Variants in ZBTB44 observed in about 807,000 individuals in gnomAD.
ZBTB44 encodes the protein zinc finger and BTB domain-containing protein 44.
Under a neutral mutation model 54.0 loss-of-function variants are expected in ZBTB44, and 15 were observed. The observed-to-expected ratio is 0.28, with a 90% CI of 0.19 to 0.43. The LOEUF is 0.43. ZBTB44 is among the 20% of genes least tolerant of loss of function. The pLI is 1.00. For missense variants in ZBTB44, 487 were observed against 707.1 expected (o/e 0.69, Z 3.53); for synonymous variants, 230 against 250.1 (o/e 0.92, Z 0.76).
intron 1 of ZBTB44, among the ~76,000 whole-genome samples, chr11:130,308,871 G>T (rs1942423414): frequency 1.3e-5 from 2 of 152,204 alleles, no homozygotes; most frequent in Admixed American, 1.3e-4. Context: ...TGAAAGCAGT[G>T]ATTGTGGAGT....
chr11:130,286,450 ATAAC>A (rs1162666997), intron 1 of ZBTB44, among the ~76,000 whole-genome samples: 3 of 152,220 alleles, frequency 2.0e-5, no homozygotes, highest in African/African-American at 7.2e-5. Context: ...ATCTCACACT[ATAAC>A]TACTCAATTC....
intron 1 of ZBTB44, among the ~76,000 whole-genome samples, chr11:130,309,106 C>T (rs1294210189): frequency 6.6e-6 from 1 of 152,228 alleles, no homozygotes; most frequent in East Asian, 1.9e-4. Context: ...ACATAGCCCT[C>T]TCTGCAGCAC....
chr11:130,267,617 A>G (rs1311236371), intron 1 of ZBTB44, among the ~76,000 whole-genome samples: 1 of 152,010 alleles, frequency 6.6e-6, no homozygotes, highest in Non-Finnish European at 1.5e-5. Flanking sequence ...GGGTATCCCT[A>G]TGTTGCCCAG....
intron 1 of ZBTB44, among the ~76,000 whole-genome samples, chr11:130,312,490 C>T (rs993473429): frequency 3.3e-5 from 5 of 152,156 alleles, no homozygotes; most frequent in African/African-American, 1.2e-4. Flanking sequence ...TTCCTTTACA[C>T]CTAACTTCCA....
intron 1 of ZBTB44, among the ~76,000 whole-genome samples, chr11:130,289,550 T>C (rs180876429): frequency 1.1e-4 from 13 of 115,096 alleles, no homozygotes; most frequent in African/African-American, 4.1e-4. Context: ...CCAAGAAAAA[T>C]AGAAGCTAAT....
At chr11:130,270,855 GAGA>G (rs748805314) in intron 1 of ZBTB44, among the ~76,000 whole-genome samples, 5 of 152,184 alleles carry the variant, frequency 3.3e-5, no homozygotes, top group Non-Finnish European at 7.3e-5. Flanking sequence ...TAAAATACCT[GAGA>G]AGAATATCCA....
At chr11:130,289,407 C>T (rs1941169296) in intron 1 of ZBTB44, among the ~76,000 whole-genome samples, 4 of 148,286 alleles carry the variant, frequency 2.7e-5, no homozygotes, top group Admixed American at 2.0e-4. Flanking sequence ...TGCTTGAACT[C>T]GGAGGTGGAG....
chr11:130,304,902 T>C (rs1942185746), intron 1 of ZBTB44, among the ~76,000 whole-genome samples: 1 of 152,116 alleles, frequency 6.6e-6, no homozygotes, highest in South Asian at 2.1e-4. Context: ...ATGAATTCAG[T>C]GAAGTTTCAG....
intron 1 of ZBTB44, among the ~76,000 whole-genome samples, chr11:130,267,935 T>C (rs957780328): frequency 1.3e-5 from 2 of 151,856 alleles, no homozygotes; most frequent in African/African-American, 4.8e-5. Context: ...TAGCCGGGTG[T>C]GGTGGCAGGC....
intron 1 of ZBTB44, among the ~76,000 whole-genome samples, chr11:130,302,929 C>T (rs1942064359): frequency 6.6e-6 from 1 of 152,062 alleles, no homozygotes; most frequent in African/African-American, 2.4e-5. Context: ...GAGCCAAGAT[C>T]ACACCATTGC....
At chr11:130,271,895 G>C (rs191558300) in intron 1 of ZBTB44, among the ~76,000 whole-genome samples, 14 of 152,250 alleles carry the variant, frequency 9.2e-5, no homozygotes, top group Non-Finnish European at 1.8e-4. Flanking sequence ...GAAATTGTCA[G>C]ACTGTCTTCC....
chr11:130,309,720 C>T (rs1265746025), intron 1 of ZBTB44, among the ~76,000 whole-genome samples: 1 of 151,286 alleles, frequency 6.6e-6, no homozygotes, highest in African/African-American at 2.4e-5. Context: ...CATGGTGAAA[C>T]CCCATCTCTA....
chr11:130,234,376 C>T (rs1954016909), intron 5 of ZBTB44, 103 bp from the exon 6 acceptor site: 7 of 1,177,892 alleles, frequency 5.9e-6, no homozygotes, highest in Non-Finnish European at 8.0e-6. Flanking sequence ...TGGGACTCTT[C>T]ATTTCACTAA....
intron 1 of ZBTB44, among the ~76,000 whole-genome samples, chr11:130,279,659 A>T (rs1940367066): frequency 6.9e-6 from 1 of 144,734 alleles, no homozygotes; most frequent in Non-Finnish European, 1.5e-5. Flanking sequence ...ACTCTGTCTC[A>T]AAACCAACCA....
At chr11:130,244,347 A>G (rs1027132401) in intron 2 of ZBTB44, among the ~76,000 whole-genome samples, 1 of 152,100 alleles carries the variant, frequency 6.6e-6, no homozygotes, top group East Asian at 1.9e-4. Context: ...AATAGCAAAC[A>G]AGCTTTTGGT....
intron 7 of ZBTB44, chr11:130,232,367 C>T (rs1953908028): frequency 6.6e-6 from 1 of 152,104 alleles, no homozygotes; most frequent in Non-Finnish European, 1.5e-5. Context: ...CATGGACTTA[C>T]AAATATTTAG....
intron 1 of ZBTB44, among the ~76,000 whole-genome samples, chr11:130,273,699 A>G (rs1049877141): frequency 6.6e-6 from 1 of 152,176 alleles, no homozygotes. Flanking sequence ...AACCTTGCTC[A>G]ACTTGTTTAT....
intron 2 of ZBTB44, among the ~76,000 whole-genome samples, chr11:130,245,392 A>G (rs1171497357): frequency 6.6e-6 from 1 of 152,218 alleles, no homozygotes; most frequent in Admixed American, 6.5e-5. Flanking sequence ...TTCCTTAAAG[A>G]AAAGAAAAAT....
At chr11:130,288,110 C>T (rs941349575) in intron 1 of ZBTB44, among the ~76,000 whole-genome samples, 1 of 152,134 alleles carries the variant, frequency 6.6e-6, no homozygotes, top group Non-Finnish European at 1.5e-5. Flanking sequence ...CAGTGGCTCA[C>T]ACCTGTAATC....
Sources: allele counts gnomAD v4.1 joint callset (sites outside exome capture counted in the v4.1 genomes callset), GRCh38; gene constraint gnomAD v4.1.1; transcripts MANE v1.5; gene names NCBI Gene and HGNC (gene_info 2026-07-23, HGNC 2026-07-21).